Variants in SHC4 observed in about 807,000 individuals in gnomAD.
The protein encoded by SHC4 is SHC-transforming protein 4.
Under a neutral mutation model 69.4 loss-of-function variants are expected in SHC4, and 41 were observed. The observed-to-expected ratio is 0.59, with a 90% CI of 0.46 to 0.77. The LOEUF (loss-of-function observed/expected upper bound fraction) is 0.77. Ranked by LOEUF, SHC4 falls within the 30% of genes least tolerant of loss-of-function variation. The pLI is 0.00. For synonymous variants in SHC4, 318 were observed against 299.3 expected (o/e 1.06, Z -0.64); for missense variants, 777 against 783.8 (o/e 0.99, Z 0.10).
chr15:48,955,084 A>G (rs1901422904), intron 1 of SHC4, among the ~76,000 whole-genome samples: 1 of 152,162 alleles, frequency 6.6e-6, no homozygotes, highest in South Asian at 2.1e-4. Flanking sequence ...ATGAGTTGAG[A>G]AGGCAGGATC....
At chr15:48,944,196 T>C (rs1901232173) in intron 1 of SHC4, among the ~76,000 whole-genome samples, 1 of 152,174 alleles carries the variant, frequency 6.6e-6, no homozygotes, top group African/African-American at 2.4e-5. Context: ...TGTCCACCTC[T>C]GTTGCATCCA....
intron 1 of SHC4, among the ~76,000 whole-genome samples, chr15:48,936,495 G>A (rs529542325): frequency 6.6e-6 from 1 of 152,206 alleles, no homozygotes; most frequent in South Asian, 2.1e-4. Context: ...GATGGAGAGA[G>A]TCTCCATTGT....
chr15:48,892,568 A>T (rs1344298962), intron 2 of SHC4, among the ~76,000 whole-genome samples: 1 of 152,176 alleles, frequency 6.6e-6, no homozygotes, highest in Non-Finnish European at 1.5e-5. Flanking sequence ...CATATTATTA[A>T]TCCAAATTGG....
At chr15:48,946,218 C>T (rs1901273779) in intron 1 of SHC4, 1 of 152,204 alleles carries the variant, frequency 6.6e-6, no homozygotes, top group South Asian at 2.1e-4. Context: ...GATGATGACT[C>T]ACAGAGTTTC....
Position 48,828,325 on chromosome 15 carries a change from C to T in SHC4, c.1738-2199G>A, listed in dbSNP as rs76045641. On this transcript the variant is annotated intron_variant, in intron 11 of 11. Coordinates refer to ENST00000332408, the MANE Select transcript of SHC4 (RefSeq NM_203349.4). ...TCCTTGAGAACACTGTAGCATAGGA[C>T]AGGATTTCCCTCTTTTCTATGGTTG... is the stretch of plus-strand genomic sequence containing the variant. 8.1e-3 allele frequency among the ~76,000 whole-genome samples: 1,229 copies of T among 152,248 alleles called. 18 individuals carry two copies. Among genetic ancestry groups the T allele is most frequent in the African/African-American group, 0.029 (1,185 of 41,542 alleles).
intron 2 of SHC4, among the ~76,000 whole-genome samples, chr15:48,912,039 C>T (rs952096259): frequency 5.9e-5 from 9 of 152,102 alleles, no homozygotes; most frequent in Admixed American, 1.3e-4. Context: ...TTCTTTCCTT[C>T]GTCTTAACTT....
At chr15:48,877,998 G>C (rs1444702585) in intron 4 of SHC4, 1 of 663,856 alleles carries the variant, frequency 1.5e-6, no homozygotes, top group South Asian at 3.0e-5. Flanking sequence ...CCAACACCCC[G>C]GAGAAAACAC....
At chr15:48,886,668 G>T (rs1038639884) in intron 3 of SHC4, among the ~76,000 whole-genome samples, 1 of 152,154 alleles carries the variant, frequency 6.6e-6, no homozygotes, top group South Asian at 2.1e-4. Context: ...AATCTTAGGA[G>T]AATCAAATTT....
intron 2 of SHC4, among the ~76,000 whole-genome samples, chr15:48,910,757 A>T (rs375834315): frequency 1.3e-5 from 2 of 151,894 alleles, no homozygotes; most frequent in Non-Finnish European, 2.9e-5. Context: ...GTTTTGATAG[A>T]TTGTGTCATT....
rs565188608 is a variant in SHC4, at chr15:48,931,132, G to T, written c.586-6183C>A. 1.5e-3 allele frequency among the ~76,000 whole-genome samples: 230 copies of T among 151,888 alleles called. 1 individual carries two copies. The highest frequency in any genetic ancestry group is 1.9e-3 in the Non-Finnish European group (132 of 68,000). On this transcript the variant is annotated intron_variant, in intron 1 of 11. Coordinates refer to ENST00000332408, the MANE Select transcript of SHC4 (RefSeq NM_203349.4). ...AATTCCTCATCTTCTCTGACTATTC[G>T]TTCTCAGTCTCCTTTGCTAGTTTCT...
At chr15:48,871,823 C>T (rs1204005225) in intron 5 of SHC4, among the ~76,000 whole-genome samples, 1 of 152,126 alleles carries the variant, frequency 6.6e-6, no homozygotes, top group East Asian at 1.9e-4. Flanking sequence ...GATGATAACT[C>T]CATGGCTAAT....
chr15:48,902,038 C>T (rs935913881), intron 2 of SHC4, among the ~76,000 whole-genome samples: 5 of 151,880 alleles, frequency 3.3e-5, no homozygotes, highest in African/African-American at 1.2e-4. Flanking sequence ...CCTGTCTCTA[C>T]AAAAAATACA....
At chr15:48,845,100 T>C (rs1899061882) in intron 9 of SHC4, among the ~76,000 whole-genome samples, 1 of 152,216 alleles carries the variant, frequency 6.6e-6, no homozygotes, top group Non-Finnish European at 1.5e-5. Context: ...ATCATAAGGC[T>C]GCACCTGAAC....
intron 6 of SHC4, 115 bp from the exon 7 acceptor site, chr15:48,857,930 T>A: frequency 1.4e-6 from 1 of 736,394 alleles, no homozygotes; most frequent in Middle Eastern, 4.5e-4. Flanking sequence ...GGGAGCAGGA[T>A]TACAAGCTCT....
intron 2 of SHC4, among the ~76,000 whole-genome samples, chr15:48,903,990 A>T (rs989467149): frequency 2.0e-5 from 3 of 152,148 alleles, no homozygotes; most frequent in African/African-American, 7.2e-5. Context: ...TATCTCACAC[A>T]TTTTTTTTCT....
Position 48,825,314 on chromosome 15 carries a change from G to C in SHC4, c.*657C>G, listed in dbSNP as rs1170585453. On this transcript the variant is annotated 3_prime_UTR_variant, in exon 12 of 12. Transcript: ENST00000332408. The stretch of plus-strand genomic sequence containing the variant: ...TGAGAAATGCTAGGCCAGAGGATTT[G>C]GGCCCCAATCCTTTTAACCAGCAAA... 1 of 152,042 alleles carries C rather than the reference G, an allele frequency of 6.6e-6. No individual in the cohort carries two copies. The highest frequency in any genetic ancestry group is 1.5e-5 in the Non-Finnish European group (1 of 68,018). The allele number at this position is 152,042 out of a possible 1,614,324, so 9.4% of individuals were successfully genotyped here. A position where few individuals can be genotyped will look rare whatever the true frequency, so the allele number is the denominator to read the frequency against.
intron 2 of SHC4, among the ~76,000 whole-genome samples, chr15:48,902,519 C>T (rs940311471): frequency 6.6e-6 from 1 of 152,126 alleles, no homozygotes; most frequent in Non-Finnish European, 1.5e-5. Context: ...TCCAATCCCC[C>T]TTCAGGACAG....
At chr15:48,852,568 G>A (rs1184072429) in intron 8 of SHC4, among the ~76,000 whole-genome samples, 1 of 152,068 alleles carries the variant, frequency 6.6e-6, no homozygotes, top group Non-Finnish European at 1.5e-5. Flanking sequence ...AGAATGAAAA[G>A]GTGGAAATGT....
At chr15:48,863,810 C>T (rs1168560298) in intron 6 of SHC4, among the ~76,000 whole-genome samples, 2 of 152,074 alleles carry the variant, frequency 1.3e-5, no homozygotes, top group African/African-American at 4.8e-5. Flanking sequence ...TTTCTTGGTG[C>T]CTTGCCATGT....
Sources: allele counts gnomAD v4.1 joint callset (sites outside exome capture counted in the v4.1 genomes callset), GRCh38; gene constraint gnomAD v4.1.1; transcripts MANE v1.5; gene names NCBI Gene and HGNC (gene_info 2026-07-23, HGNC 2026-07-21).